The following MAST4 variants were observed in gnomAD, a reference collection of about 807,000 sequenced individuals.
MAST4 encodes microtubule-associated serine/threonine-protein kinase 4.
MAST4 carries 89 observed loss-of-function variants against 162.7 expected under a neutral mutation model. That is an observed-to-expected ratio of 0.55 (90% CI 0.46 to 0.65). MAST4 has a LOEUF of 0.65. Ranked by LOEUF, MAST4 falls within the 30% of genes least tolerant of loss-of-function variation. MAST4 has a pLI of 0.00. For synonymous variants in MAST4, 1,479 were observed against 1,361.1 expected (o/e 1.09, Z -1.91); for missense variants, 3,153 against 3,374.0 (o/e 0.93, Z 1.62).
chr5:66,789,144 A>G (rs537454029), intron 3 of MAST4, among the ~76,000 whole-genome samples: 6 of 152,288 alleles, frequency 3.9e-5, no homozygotes, highest in East Asian at 1.9e-4. Context: ...GATCTGACTA[A>G]CACCTTGCCC....
intron 3 of MAST4, among the ~76,000 whole-genome samples, chr5:66,838,770 G>C (rs1295217342): frequency 3.9e-5 from 6 of 152,164 alleles, no homozygotes; most frequent in Non-Finnish European, 1.5e-5. Context: ...TGTGGTGGCT[G>C]AACAGGGTGC....
intron 2 of MAST4, among the ~76,000 whole-genome samples, chr5:66,773,429 G>T (rs576931893): frequency 1.3e-5 from 2 of 152,256 alleles, no homozygotes; most frequent in East Asian, 3.9e-4. Context: ...GAGAGCAGAG[G>T]GTAAGTCCCC....
intron 1 of MAST4, among the ~76,000 whole-genome samples, chr5:66,648,034 ATGTGTGTGTGTGTGTGTGTGTGTGTG>A (rs745965169): frequency 1.7e-5 from 2 of 118,988 alleles, no homozygotes; most frequent in African/African-American, 3.2e-5. Flanking sequence ...GTGTTAGGTA[ATGTGTGTGTGTGTGTGTGTGTGTGTG>A]TGTGTGTGTG....
intron 2 of MAST4, among the ~76,000 whole-genome samples, chr5:66,782,591 T>C (rs982358378): frequency 6.6e-6 from 1 of 152,250 alleles, no homozygotes; most frequent in African/African-American, 2.4e-5. Flanking sequence ...ATTTATTGCC[T>C]CTAAATTTCT....
intron 2 of MAST4, 24 bp from the exon 3 acceptor site, chr5:66,788,646 T>C: frequency 8.6e-7 from 1 of 1,167,512 alleles, no homozygotes; most frequent in South Asian, 1.2e-5. Context: ...GTCACTTACA[T>C]TTTCTTCTCT....
intron 3 of MAST4, among the ~76,000 whole-genome samples, chr5:66,859,089 T>TCA (rs1376016889): frequency 6.6e-6 from 1 of 152,190 alleles, no homozygotes; most frequent in African/African-American, 2.4e-5. Context: ...AGACATTCTA[T>TCA]CAACTGCAAA....
chr5:66,961,787 C>A (rs1349121375), intron 4 of MAST4, among the ~76,000 whole-genome samples: 1 of 152,134 alleles, frequency 6.6e-6, no homozygotes, highest in African/African-American at 2.4e-5. Context: ...TGTACATAGA[C>A]AAAATGATGG....
intron 1 of MAST4, among the ~76,000 whole-genome samples, chr5:66,664,613 A>G (rs919868256): frequency 1.3e-5 from 2 of 150,694 alleles, no homozygotes; most frequent in African/African-American, 4.9e-5. Context: ...TAGCATAAAG[A>G]AGTTATTTAA....
At chr5:66,857,647 A>G (rs1232530966) in intron 3 of MAST4, among the ~76,000 whole-genome samples, 1 of 152,174 alleles carries the variant, frequency 6.6e-6, no homozygotes. Flanking sequence ...GAGGTTGTGT[A>G]TCTTTTTATA....
intron 1 of MAST4, among the ~76,000 whole-genome samples, chr5:66,755,562 G>A (rs377461002): frequency 1.8e-4 from 28 of 152,202 alleles, no homozygotes; most frequent in Admixed American, 3.9e-4. Context: ...GCAGATGGTC[G>A]TGATGGTGAT....
intron 4 of MAST4, among the ~76,000 whole-genome samples, chr5:66,954,840 G>A (rs904788274): frequency 6.6e-6 from 1 of 150,854 alleles, no homozygotes; most frequent in Non-Finnish European, 1.5e-5. Flanking sequence ...GATGGAGGTT[G>A]CAGTGAGCCG....
chr5:67,129,593 G>T (rs1055989095), intron 14 of MAST4, among the ~76,000 whole-genome samples: 53 of 151,984 alleles, frequency 3.5e-4, no homozygotes, highest in Non-Finnish European at 4.4e-5. Flanking sequence ...GCATGGTGGC[G>T]TGCACCTGTA....
In MAST4 at chr5:67,166,451, C is replaced by T. The variant is rs1233642897; in HGVS notation, c.7272C>T (p.Pro2424=). Reference sequence around the variant, plus strand: ...AGGCCAGAGGGAAAGGGCCCGGTCCCCAGAAGCCACCGACGGAGGCAGACA... The same window carrying T: ...AGGCCAGAGGGAAAGGGCCCGGTCCTCAGAAGCCACCGACGGAGGCAGACA... The part of the protein sequence containing the change: ...FPEARGKGPG[P]QKPPTEADKP... The change falls in exon 29 of 29, where the codon CCC becomes CCT. Residue 2424 remains proline (P), a synonymous_variant. Coordinates refer to ENST00000403625, the MANE Select transcript of MAST4 (RefSeq NM_001164664.2). 1 of 1,601,732 alleles carries T rather than the reference C, an allele frequency of 6.2e-7. No homozygotes were observed. Among genetic ancestry groups the T allele is most frequent in the Non-Finnish European group, 8.5e-7 (1 of 1,173,844 alleles).
intron 26 of MAST4, among the ~76,000 whole-genome samples, chr5:67,155,837 C>T (rs184645606): frequency 1.2e-3 from 175 of 152,010 alleles, no homozygotes; most frequent in African/African-American, 4.0e-3. Flanking sequence ...CGAGGTGGGG[C>T]GATCACGAGG....
intron 4 of MAST4, among the ~76,000 whole-genome samples, chr5:66,990,571 C>T (rs943824344): frequency 6.6e-6 from 1 of 152,112 alleles, no homozygotes; most frequent in South Asian, 2.1e-4. Flanking sequence ...CCAGGGAGAT[C>T]GAGGCTGTAG....
chr5:66,688,294 C>T (rs965558861), intron 1 of MAST4, among the ~76,000 whole-genome samples: 4 of 152,126 alleles, frequency 2.6e-5, no homozygotes, highest in African/African-American at 4.8e-5. Context: ...TTTGACACAC[C>T]CACTCAAATG....
At chr5:66,917,264 T>C in intron 4 of MAST4, 1 of 444,000 alleles carries the variant, frequency 2.3e-6, no homozygotes, top group South Asian at 4.2e-5. Flanking sequence ...TTCATGCTTA[T>C]TTTCACTGCC....
intron 4 of MAST4, among the ~76,000 whole-genome samples, chr5:66,912,669 G>C (rs1233224124): frequency 6.6e-6 from 1 of 152,042 alleles, no homozygotes; most frequent in Non-Finnish European, 1.5e-5. Flanking sequence ...CAAACACCTG[G>C]TTAAAAGCAT....
intron 5 of MAST4, among the ~76,000 whole-genome samples, chr5:67,057,866 G>A (rs116001093): frequency 3.7e-4 from 56 of 151,820 alleles, no homozygotes; most frequent in African/African-American, 1.3e-3. Flanking sequence ...ATAGAAAAAT[G>A]GGCAAAAGGT....
Sources: gnomAD v4.1 joint callset for allele counts (sites outside exome capture counted in the v4.1 genomes callset) on GRCh38, gnomAD v4.1.1 for gene constraint, MANE v1.5 for transcripts, NCBI Gene and HGNC (gene_info 2026-07-23, HGNC 2026-07-21) for gene names.